The following EYA1 variants were observed in gnomAD, a reference collection of about 807,000 sequenced individuals.
The protein encoded by EYA1 is protein phosphatase EYA1.
EYA1 carries 16 observed loss-of-function variants against 82.0 expected under a neutral mutation model. That is an observed-to-expected ratio of 0.20 (90% CI 0.13 to 0.30). EYA1 has a LOEUF of 0.30. Ranked by LOEUF, EYA1 falls within the 10% of genes least tolerant of loss-of-function variation. EYA1 has a pLI of 1.00. For missense variants in EYA1, 633 were observed against 730.7 expected, an observed-to-expected ratio of 0.87 and a Z score of 1.54; for synonymous variants, 261 against 264.4, an observed-to-expected ratio of 0.99 and a Z score of 0.12.
intron 12 of EYA1, among the ~76,000 whole-genome samples, chr8:71,240,925 T>G (rs1812405374): frequency 6.6e-6 from 1 of 152,112 alleles, no homozygotes; most frequent in Admixed American, 6.5e-5. Flanking sequence ...GAGTCATACT[T>G]TACCAAAGAA....
intron 12 of EYA1, among the ~76,000 whole-genome samples, chr8:71,238,899 C>G (rs186216701): frequency 1.1e-3 from 170 of 152,030 alleles, no homozygotes; most frequent in African/African-American, 3.8e-3. Flanking sequence ...CAGTATTTTA[C>G]TGCTAAGTAC....
intron 2 of EYA1, among the ~76,000 whole-genome samples, chr8:71,370,815 A>T (rs980095691): frequency 6.6e-6 from 1 of 151,542 alleles, no homozygotes; most frequent in South Asian, 2.1e-4. Flanking sequence ...CGTACAGACG[A>T]GGTCTCACTC....
intron 2 of EYA1, among the ~76,000 whole-genome samples, chr8:71,487,570 T>C (rs1006943900): frequency 6.6e-6 from 1 of 152,184 alleles, no homozygotes; most frequent in Non-Finnish European, 1.5e-5. Context: ...AAGCTCAAGA[T>C]CTTTTGTCCA....
At chr8:71,257,760 G>A (rs376745251) in intron 11 of EYA1, among the ~76,000 whole-genome samples, 95 of 152,292 alleles carry the variant, frequency 6.2e-4, no homozygotes, top group African/African-American at 1.3e-3. Flanking sequence ...TAGCAATAGC[G>A]GTGTTGAATT....
At chr8:71,295,412 A>C (rs564038895) in intron 9 of EYA1, among the ~76,000 whole-genome samples, 1 of 152,208 alleles carries the variant, frequency 6.6e-6, no homozygotes, top group Admixed American at 6.5e-5. Context: ...AGAAGTGGGC[A>C]AAATATCTCT....
chr8:71,212,681 T>C (rs187104724), intron 16 of EYA1, among the ~76,000 whole-genome samples: 120 of 152,342 alleles, frequency 7.9e-4, no homozygotes, highest in African/African-American at 2.6e-3. Flanking sequence ...TAGTTTTATA[T>C]GAAGTATTCA....
intron 17 of EYA1, among the ~76,000 whole-genome samples, chr8:71,208,635 G>A (rs1313509931): frequency 6.6e-6 from 1 of 152,130 alleles, no homozygotes; most frequent in Non-Finnish European, 1.5e-5. Flanking sequence ...ATGTAATGAT[G>A]AGTTGACGGA....
At position 71,498,770 on chromosome 8, in the gene EYA1, G is replaced by A. The variant is rs535047350; in HGVS notation, c.33+36974C>T. The stretch of plus-strand genomic sequence containing the variant: ...ATTTAAGGTAAATATGTAGAGATAG[G>A]ACCCTGGAAAGTCCTTGAGTGAGTT... On this transcript the variant is annotated intron_variant, in intron 2 of 18. Transcript: ENST00000643681. Among the ~76,000 whole-genome samples, 28 of 152,212 alleles carry A rather than the reference G, an allele frequency of 1.8e-4. No individual in the cohort carries two copies. The South Asian group carries it at 2.7e-3, about 15-fold the overall frequency.
At chr8:71,287,486 CAATT>C (rs965408852) in intron 9 of EYA1, among the ~76,000 whole-genome samples, 1 of 152,202 alleles carries the variant, frequency 6.6e-6, no homozygotes, top group Non-Finnish European at 1.5e-5. Flanking sequence ...TCTAGTAACT[CAATT>C]AAGACAGCTT....
intron 7 of EYA1, among the ~76,000 whole-genome samples, chr8:71,303,923 T>C (rs1289559273): frequency 7.0e-6 from 1 of 141,900 alleles, no homozygotes; most frequent in Admixed American, 7.0e-5. Context: ...GGAATGAAGG[T>C]GAAACACAAA....
At chr8:71,246,638 C>G (rs1372921595) in intron 11 of EYA1, among the ~76,000 whole-genome samples, 1 of 152,224 alleles carries the variant, frequency 6.6e-6, no homozygotes, top group African/African-American at 2.4e-5. Flanking sequence ...ACTTAGGTGT[C>G]ATCCTCTCAT....
chr8:71,247,748 C>T (rs1813282695), intron 11 of EYA1, among the ~76,000 whole-genome samples: 1 of 152,136 alleles, frequency 6.6e-6, no homozygotes, highest in Admixed American at 6.5e-5. Flanking sequence ...ATAGACCCTA[C>T]AGCTGAATTA....
upstream of EYA1, among the ~76,000 whole-genome samples, chr8:71,364,076 C>T (rs1447985211): frequency 1.3e-5 from 2 of 151,356 alleles, no homozygotes; most frequent in Non-Finnish European, 3.0e-5. Flanking sequence ...ATTTATATAA[C>T]CAAATGAAAT....
upstream of EYA1, among the ~76,000 whole-genome samples, chr8:71,365,861 T>C (rs2129084195): frequency 6.6e-6 from 1 of 152,322 alleles, no homozygotes; most frequent in Non-Finnish European, 1.5e-5. Flanking sequence ...TTAAGAATGA[T>C]ATTATATCTG....
Position 71,330,088 on chromosome 8 carries a change from G to A in EYA1, c.202+4009C>T, listed in dbSNP as rs542204762. 2.0e-5 allele frequency among the ~76,000 whole-genome samples: 3 copies of A among 152,288 alleles called. No homozygotes were observed. The South Asian group carries it at 6.2e-4, about 32-fold the overall frequency. On this transcript the variant is annotated intron_variant, in intron 4 of 17. Transcript: ENST00000340726. ...GGAGGAAGAACAGTAAGCAAGGCGG[G>A]CAGGCAACAAGGTCAGACAGTCTCT... is the stretch of plus-strand genomic sequence containing the variant.
intron 2 of EYA1, among the ~76,000 whole-genome samples, chr8:71,470,145 G>C (rs1007634360): frequency 6.6e-6 from 1 of 152,070 alleles, no homozygotes; most frequent in Admixed American, 6.6e-5. Context: ...TGGCCAGATG[G>C]TTTCTCTTTC....
chr8:71,323,029 AGCAAAT>A (rs1367388326), intron 4 of EYA1, among the ~76,000 whole-genome samples: 1 of 152,214 alleles, frequency 6.6e-6, no homozygotes, highest in Non-Finnish European at 1.5e-5. Context: ...CTGAAGTCCA[AGCAAAT>A]GTTCTTGTGC....
chr8:71,332,641 T>C (rs1824019478), intron 4 of EYA1, among the ~76,000 whole-genome samples: 2 of 152,212 alleles, frequency 1.3e-5, no homozygotes, highest in South Asian at 2.1e-4. Flanking sequence ...CATCCTGCCA[T>C]GGTGGCCATA....
At chr8:71,260,754 T>C (rs1815000151) in intron 11 of EYA1, among the ~76,000 whole-genome samples, 1 of 152,196 alleles carries the variant, frequency 6.6e-6, no homozygotes, top group South Asian at 2.1e-4. Flanking sequence ...TACTGGGAGT[T>C]GTGGTAGCCC....
Sources: gnomAD v4.1 joint callset for allele counts (sites outside exome capture counted in the v4.1 genomes callset) on GRCh38, gnomAD v4.1.1 for gene constraint, MANE v1.5 for transcripts, NCBI Gene and HGNC (gene_info 2026-07-23, HGNC 2026-07-21) for gene names.